Variants in RC3H2 observed in about 807,000 individuals in gnomAD.
The protein encoded by RC3H2 is roquin-2.
In RC3H2, 31 loss-of-function variants were observed where a neutral mutation model predicts 133.3. That is an observed-to-expected ratio of 0.23 (90% CI 0.17 to 0.31). The LOEUF is 0.31. Ranked by LOEUF, RC3H2 falls within the 10% of genes least tolerant of loss-of-function variation. The probability of loss-of-function intolerance (pLI) is 1.00; values close to 1 mark genes in which losing one functional copy is unlikely to be tolerated. For synonymous variants in RC3H2, 517 were observed against 502.2 expected (o/e 1.03, Z -0.40); for missense variants, 1,175 against 1,437.2 (o/e 0.82, Z 2.95).
intron 9 of RC3H2, among the ~76,000 whole-genome samples, chr9:122,867,893 G>T (rs1307628379): frequency 2.1e-4 from 11 of 52,348 alleles, no homozygotes; most frequent in East Asian, 3.7e-4. Flanking sequence ...GGAGGGAGGT[G>T]GGGGGGTCAG....
chr9:122,847,668 T>C lies in RC3H2; in HGVS notation c.*1959A>G, dbSNP rs1024086588. 2.6e-5 allele frequency: 4 copies of C among 152,106 alleles called. No homozygotes were observed. The highest frequency in any genetic ancestry group is 1.3e-4 in the Admixed American group (2 of 15,272). 9.4% of individuals were successfully genotyped at this position (152,106 alleles called of 1,614,324 possible). A position where few individuals can be genotyped will look rare whatever the true frequency, so the allele number is the denominator to read the frequency against. ...TAATGTCAGAAAAGTTAATGTAACA[T>C]GGTTTAAAACCCTTGTTCCTATTCA... is the stretch of plus-strand genomic sequence containing the variant. On this transcript the variant is annotated 3_prime_UTR_variant, in exon 21 of 21. Coordinates refer to ENST00000357244, the MANE Select transcript of RC3H2 (RefSeq NM_001100588.3).
intron 11 of RC3H2, 45 bp downstream of exon 11, chr9:122,859,872 G>T: frequency 7.1e-7 from 1 of 1,416,246 alleles, no homozygotes; most frequent in Non-Finnish European, 1.0e-6. Context: ...TTATCTAAAG[G>T]AAACAATGTT....
At chr9:122,856,262 T>C (rs1407196983) in intron 13 of RC3H2, among the ~76,000 whole-genome samples, 1 of 152,148 alleles carries the variant, frequency 6.6e-6, no homozygotes, top group East Asian at 1.9e-4. Context: ...ATTTTCTTTT[T>C]TCTTTTGAGA....
rs1472928296 is a variant in RC3H2, at chr9:122,858,079, A to G, written c.2298T>C (p.His766=). ...TCTGCTCCTCGCAACTGGTCTTCAA[A>G]TGACCACAAGGTTCCTAATGGGGGA... The part of the protein sequence containing the change: ...TVPLPREPCG[H]LKTSCEEQIR... Residue 766 remains histidine, a synonymous_variant, in exon 13 of 21, where the codon CAT becomes CAC. Coordinates refer to ENST00000357244, the MANE Select transcript of RC3H2 (RefSeq NM_001100588.3). The G allele has an allele frequency of 2.5e-6, 4 of 1,614,082 alleles. No homozygotes were observed. Among genetic ancestry groups the G allele is most frequent in the Non-Finnish European group, 3.4e-6 (4 of 1,180,032 alleles).
chr9:122,899,660 T>C (rs1222624394), intron 1 of RC3H2, among the ~76,000 whole-genome samples: 1 of 152,236 alleles, frequency 6.6e-6, no homozygotes, highest in Non-Finnish European at 1.5e-5. Context: ...CAGATGAATA[T>C]ATCACTCCCT....
chr9:122,893,449 G>A (rs1299197813), intron 2 of RC3H2, among the ~76,000 whole-genome samples: 2 of 152,156 alleles, frequency 1.3e-5, no homozygotes, highest in Non-Finnish European at 2.9e-5. Context: ...AGCTGAGATC[G>A]CACCAGTGCA....
intron 18 of RC3H2, among the ~76,000 whole-genome samples, chr9:122,852,533 G>T (rs1168968672): frequency 6.8e-6 from 1 of 146,012 alleles, no homozygotes; most frequent in African/African-American, 2.5e-5. Context: ...GGAGGGAGGT[G>T]GGGGGGTCAG....
At chr9:122,853,847 A>T in intron 18 of RC3H2, 105 bp downstream of exon 18, 1 of 1,598,186 alleles carries the variant, frequency 6.3e-7, no homozygotes, top group Non-Finnish European at 8.6e-7. Flanking sequence ...TCAATCATCC[A>T]TCAGAGATAG....
At chr9:122,866,670 G>T (rs1002491322) in intron 9 of RC3H2, among the ~76,000 whole-genome samples, 16 of 152,126 alleles carry the variant, frequency 1.1e-4, no homozygotes, top group African/African-American at 3.9e-4. Flanking sequence ...GCCTCCGGAG[G>T]TGCCGGGATT....
intron 3 of RC3H2, among the ~76,000 whole-genome samples, chr9:122,891,758 C>A (rs1465230793): frequency 1.3e-5 from 2 of 152,202 alleles, no homozygotes; most frequent in African/African-American, 4.8e-5. Context: ...GCCACATACA[C>A]AACAGTGCAA....
intron 13 of RC3H2, among the ~76,000 whole-genome samples, chr9:122,857,095 G>A (rs1830278027): frequency 1.3e-5 from 2 of 152,136 alleles, no homozygotes; most frequent in Admixed American, 1.3e-4. Flanking sequence ...GGAAGAGGGG[G>A]TATAAATAAG....
chr9:122,855,542 TA>T, intron 14 of RC3H2, 145 bp from the exon 15 acceptor site: 1 of 937,298 alleles, frequency 1.1e-6, no homozygotes, highest in South Asian at 1.8e-5. Context: ...AAACTACCAG[TA>T]AACCACCAAT....
intron 9 of RC3H2, among the ~76,000 whole-genome samples, chr9:122,869,948 G>A (rs935186395): frequency 2.6e-5 from 4 of 152,234 alleles, no homozygotes; most frequent in African/African-American, 9.6e-5. Context: ...ATTTCAGGAA[G>A]ACAATCTGGT....
intron 1 of RC3H2, among the ~76,000 whole-genome samples, chr9:122,902,571 G>A (rs988653754): frequency 6.6e-6 from 1 of 152,124 alleles, no homozygotes; most frequent in Non-Finnish European, 1.5e-5. Context: ...GAGGCTAGGC[G>A]TGGTGGCTCA....
At chr9:122,863,046 C>T (rs1333886910) in intron 10 of RC3H2, among the ~76,000 whole-genome samples, 2 of 152,062 alleles carry the variant, frequency 1.3e-5, no homozygotes, top group Admixed American at 6.6e-5. Flanking sequence ...TTTCATCATC[C>T]CCAAGAGAAA....
chr9:122,849,577 G>A lies in RC3H2; in HGVS notation c.*50C>T, dbSNP rs1008187670. 4 of 1,032,222 alleles carry A rather than the reference G, an allele frequency of 3.9e-6. No homozygotes were observed. Among genetic ancestry groups the A allele is most frequent in the Non-Finnish European group, 5.8e-6 (4 of 695,640 alleles). The allele number at this position is 1,032,222 out of a possible 1,614,324, so 63.9% of individuals were successfully genotyped here. ...TATATATTATATATATAAAAAGCTA[G>A]TGTAAATGCTTCCATGGTGTGGTCA... On this transcript the variant is annotated 3_prime_UTR_variant, in exon 21 of 21. Coordinates refer to ENST00000357244, the MANE Select transcript of RC3H2 (RefSeq NM_001100588.3).
intron 7 of RC3H2, 37 bp downstream of exon 7, chr9:122,879,956 G>GA: frequency 1.9e-6 from 3 of 1,611,936 alleles, no homozygotes; most frequent in Non-Finnish European, 2.5e-6. Flanking sequence ...CTCAAAAGTA[G>GA]AAAAAAATAT....
intron 2 of RC3H2, among the ~76,000 whole-genome samples, chr9:122,893,748 T>C (rs1832296777): frequency 6.6e-6 from 1 of 152,170 alleles, no homozygotes; most frequent in Non-Finnish European, 1.5e-5. Context: ...CAGTTGTTTT[T>C]TTTTCCCCAA....
chr9:122,863,799 C>T (rs1035808955), intron 10 of RC3H2, among the ~76,000 whole-genome samples: 20 of 151,824 alleles, frequency 1.3e-4, no homozygotes, highest in African/African-American at 4.1e-4. Context: ...TACAACGGTG[C>T]GATCTTGGCT....
Sources: gnomAD v4.1 joint callset for allele counts (sites outside exome capture counted in the v4.1 genomes callset) on GRCh38, gnomAD v4.1.1 for gene constraint, MANE v1.5 for transcripts, NCBI Gene and HGNC (gene_info 2026-07-23, HGNC 2026-07-21) for gene names.